The following GUCY1A2 variants were observed in gnomAD, a reference collection of about 807,000 sequenced individuals.
GUCY1A2 encodes the protein guanylate cyclase 1 soluble subunit alpha 2.
A neutral mutation model predicts 63.5 loss-of-function variants in GUCY1A2; 27 were observed. That is an observed-to-expected ratio of 0.43 (90% CI 0.31 to 0.59). The LOEUF (loss-of-function observed/expected upper bound fraction) is 0.59. GUCY1A2 is among the 20% of genes least tolerant of loss of function. GUCY1A2 has a pLI of 0.11. For synonymous variants in GUCY1A2, 364 were observed against 343.5 expected, an observed-to-expected ratio of 1.06 and a Z score of -0.66; for missense variants, 768 against 913.3, an observed-to-expected ratio of 0.84 and a Z score of 2.05.
intron 4 of GUCY1A2, among the ~76,000 whole-genome samples, chr11:106,822,391 G>A (rs1487493978): frequency 1.3e-5 from 2 of 152,048 alleles, no homozygotes; most frequent in African/African-American, 4.8e-5. Flanking sequence ...GGTCCAAGGA[G>A]CACATGTGCA....
chr11:106,741,286 A>G (rs1309562561), intron 6 of GUCY1A2, among the ~76,000 whole-genome samples: 1 of 152,190 alleles, frequency 6.6e-6, no homozygotes, highest in Non-Finnish European at 1.5e-5. Context: ...TGTAGTTTTT[A>G]TTTACAGCAC....
chr11:106,730,953 T>C (rs939668472), intron 6 of GUCY1A2, among the ~76,000 whole-genome samples: 2 of 152,178 alleles, frequency 1.3e-5, no homozygotes, highest in Non-Finnish European at 2.9e-5. Context: ...TGCCCACTTT[T>C]TAATGAAGTT....
chr11:107,006,471 T>G (rs1035623859), intron 1 of GUCY1A2, among the ~76,000 whole-genome samples: 1 of 152,184 alleles, frequency 6.6e-6, no homozygotes, highest in East Asian at 1.9e-4. Context: ...TATATACAAA[T>G]GGGCTGATAG....
chr11:106,798,242 TA>T (rs1864804301), intron 5 of GUCY1A2, among the ~76,000 whole-genome samples: 1 of 152,066 alleles, frequency 6.6e-6, no homozygotes, highest in African/African-American at 2.4e-5. Context: ...AATAGACCCA[TA>T]ACAGGGTCTG....
chr11:106,906,640 T>C (rs985368391), intron 4 of GUCY1A2, among the ~76,000 whole-genome samples: 3 of 152,156 alleles, frequency 2.0e-5, no homozygotes, highest in African/African-American at 7.2e-5. Context: ...TGCACACATA[T>C]GTTTATTGCG....
intron 4 of GUCY1A2, among the ~76,000 whole-genome samples, chr11:106,938,406 T>C (rs1860707810): frequency 6.6e-6 from 1 of 152,200 alleles, no homozygotes; most frequent in African/African-American, 2.4e-5. Flanking sequence ...AGAATATGTA[T>C]ATTTTCACTG....
chr11:106,818,747 T>C (rs1011754231), intron 4 of GUCY1A2, among the ~76,000 whole-genome samples: 6 of 152,164 alleles, frequency 3.9e-5, no homozygotes, highest in Admixed American at 3.3e-4. Flanking sequence ...TAAAAAATGC[T>C]ACTCCGGTGA....
chr11:106,900,587 T>A (rs987274498), intron 4 of GUCY1A2, among the ~76,000 whole-genome samples: 1 of 152,254 alleles, frequency 6.6e-6, no homozygotes, highest in Admixed American at 6.5e-5. Flanking sequence ...GTGTTTCTAA[T>A]GATAAGCTTC....
At chr11:106,963,820 G>T (rs1481728877) in intron 3 of GUCY1A2, among the ~76,000 whole-genome samples, 38 of 152,014 alleles carry the variant, frequency 2.5e-4, no homozygotes, top group Admixed American at 2.5e-3. Flanking sequence ...TTTAATTGGG[G>T]ATACAACCCA....
At chr11:106,766,210 G>A (rs1191451323) in intron 6 of GUCY1A2, among the ~76,000 whole-genome samples, 2 of 152,082 alleles carry the variant, frequency 1.3e-5, no homozygotes, top group African/African-American at 2.4e-5. Flanking sequence ...TTACCTTCCA[G>A]TGTCTCAAAA....
At chr11:106,829,724 A>G (rs1263723131) in intron 4 of GUCY1A2, among the ~76,000 whole-genome samples, 1 of 152,188 alleles carries the variant, frequency 6.6e-6, no homozygotes, top group African/African-American at 2.4e-5. Context: ...CTGGACTATC[A>G]AGATGAAATC....
At chr11:106,903,626 C>A (rs181169906) in intron 4 of GUCY1A2, among the ~76,000 whole-genome samples, 1 of 152,106 alleles carries the variant, frequency 6.6e-6, no homozygotes, top group African/African-American at 2.4e-5. Context: ...ACTATCCGAA[C>A]AGAGAGTCAT....
At chr11:106,950,784 T>TA (rs1018733190) in intron 3 of GUCY1A2, among the ~76,000 whole-genome samples, 6 of 152,208 alleles carry the variant, frequency 3.9e-5, no homozygotes, top group South Asian at 4.1e-4. Flanking sequence ...AAATTTCTTC[T>TA]AAAAAAATGG....
At chr11:106,984,627 TTGA>T (rs751813103) in intron 2 of GUCY1A2, among the ~76,000 whole-genome samples, 93 of 152,090 alleles carry the variant, frequency 6.1e-4, no homozygotes, top group African/African-American at 2.1e-3. Context: ...AAATTAGACT[TTGA>T]TGATGGATAT....
rs1273613419 is a variant in GUCY1A2, at chr11:106,940,165, C to T, written c.501G>A (p.Glu167=). 2 of 1,542,022 alleles carry T rather than the reference C, an allele frequency of 1.3e-6. No individual in the cohort carries two copies. The highest frequency in any genetic ancestry group is 1.8e-6 in the Non-Finnish European group (2 of 1,120,488). The change falls in exon 4 of 8, where the codon GAG becomes GAA. Residue 167 remains glutamate, a synonymous_variant. Transcript: ENST00000526355. ...CTANILGLKF[E]EIQKRFGEEF... ...CTTCACCAAATCTTTTTTGAATTTC[C>T]TCAAACTTCAAACCTAGAGGTAAAT...
intron 4 of GUCY1A2, among the ~76,000 whole-genome samples, chr11:106,822,706 G>T (rs1858919123): frequency 6.6e-6 from 1 of 152,098 alleles, no homozygotes; most frequent in Non-Finnish European, 1.5e-5. Flanking sequence ...AAGAGGTTTG[G>T]TCTCAAAAAG....
At chr11:106,832,462 G>A (rs1042279129) in intron 4 of GUCY1A2, among the ~76,000 whole-genome samples, 1 of 152,112 alleles carries the variant, frequency 6.6e-6, no homozygotes, top group African/African-American at 2.4e-5. Flanking sequence ...ATTAGGAGGT[G>A]TAAGATGGAG....
At chr11:106,708,393 C>G (rs1862955028) in intron 7 of GUCY1A2, 119 bp downstream of exon 7, 1 of 766,402 alleles carries the variant, frequency 1.3e-6, no homozygotes, top group Admixed American at 3.0e-5. Context: ...TTGGGCAGTT[C>G]TACTCATAAT....
chr11:106,787,075 T>G (rs1323988689), intron 5 of GUCY1A2, among the ~76,000 whole-genome samples: 1 of 152,068 alleles, frequency 6.6e-6, no homozygotes, highest in Non-Finnish European at 1.5e-5. Flanking sequence ...ATATTAAGAA[T>G]TCATTTTTTT....
Sources: allele counts gnomAD v4.1 joint callset (sites outside exome capture counted in the v4.1 genomes callset), GRCh38; gene constraint gnomAD v4.1.1; transcripts MANE v1.5; gene names NCBI Gene and HGNC (gene_info 2026-07-23, HGNC 2026-07-21).